UBXN2B: variants seen among roughly 807,000 people sequenced by gnomAD.
UBXN2B encodes UBX domain protein 2B.
Under a neutral mutation model 37.5 loss-of-function variants are expected in UBXN2B, and 19 were observed. That is an observed-to-expected ratio of 0.51 (90% CI 0.35 to 0.74). The LOEUF is 0.74. Among genes scored for constraint, UBXN2B ranks in the 30% least tolerant of loss-of-function variants. The pLI, the probability that UBXN2B is intolerant of heterozygous loss-of-function variation, is 0.01. For missense variants in UBXN2B, 370 were observed against 393.2 expected, an observed-to-expected ratio of 0.94 and a Z score of 0.50; for synonymous variants, 145 against 143.8, an observed-to-expected ratio of 1.01 and a Z score of -0.06.
intron 2 of UBXN2B, 59 bp downstream of exon 2, chr8:58,417,012 A>T: frequency 7.2e-7 from 1 of 1,383,196 alleles, no homozygotes; most frequent in Non-Finnish European, 9.8e-7. Flanking sequence ...AAAATTTACT[A>T]ACTTCAAATT....
intron 2 of UBXN2B, chr8:58,425,614 G>T: frequency 9.1e-7 from 1 of 1,103,354 alleles, no homozygotes; most frequent in South Asian, 1.2e-5. Flanking sequence ...TTGTTGTAGT[G>T]TCTCAAATTC....
At chr8:58,430,969 TC>T (rs1471252520) in intron 3 of UBXN2B, among the ~76,000 whole-genome samples, 1 of 152,076 alleles carries the variant, frequency 6.6e-6, no homozygotes, top group East Asian at 1.9e-4. Flanking sequence ...CCCCAATGGT[TC>T]CCCCCAATGG....
At position 58,411,384 on chromosome 8, in the gene UBXN2B, A is replaced by AGATGGCG. The variant is rs1807630122; in HGVS notation, c.2_8dup. On this transcript the variant is annotated 5_prime_UTR_variant, in exon 1 of 8. The change creates a new upstream start codon in the 5' untranslated region. Transcript: ENST00000399598. ...GCAGCGGGCGCCGCTAGCCAGCGGA[A>AGATGGCG]GATGGCGGAGGGCGGAGGCCCTGAG... is the stretch of plus-strand genomic sequence containing the variant. 1 of 1,269,534 alleles carries AGATGGCG rather than the reference A, an allele frequency of 7.9e-7. No homozygotes were observed. Among genetic ancestry groups the AGATGGCG allele is most frequent in the Non-Finnish European group, 1.0e-6 (1 of 1,003,840 alleles). The allele number at this position is 1,269,534 out of a possible 1,614,324, so 78.6% of individuals were successfully genotyped here.
intron 4 of UBXN2B, among the ~76,000 whole-genome samples, chr8:58,433,815 A>G (rs757234799): frequency 6.6e-6 from 1 of 152,102 alleles, no homozygotes. Context: ...GAACAAATAT[A>G]TAGTTATTAT....
At chr8:58,445,805 T>C (rs1808652246) in intron 6 of UBXN2B, 102 bp from the exon 7 acceptor site, 1 of 1,004,196 alleles carries the variant, frequency 1.0e-6, no homozygotes. Flanking sequence ...TTGAAAGAAG[T>C]ATAGGAGACT....
chr8:58,436,200 G>A (rs574739758), intron 5 of UBXN2B, among the ~76,000 whole-genome samples: 63 of 152,212 alleles, frequency 4.1e-4, no homozygotes, highest in Non-Finnish European at 7.8e-4. Context: ...ACTACAAGTA[G>A]CATTGCATTC....
intron 6 of UBXN2B, among the ~76,000 whole-genome samples, chr8:58,444,149 A>G (rs1013418085): frequency 6.6e-6 from 1 of 152,236 alleles, no homozygotes. Flanking sequence ...GATTACAAAA[A>G]TAATAGGGAG....
At chr8:58,419,044 T>C (rs1481760521) in intron 2 of UBXN2B, among the ~76,000 whole-genome samples, 1 of 152,222 alleles carries the variant, frequency 6.6e-6, no homozygotes, top group Non-Finnish European at 1.5e-5. Flanking sequence ...ATGCTGTGAT[T>C]AATAGGTATA....
intron 2 of UBXN2B, among the ~76,000 whole-genome samples, chr8:58,429,594 G>A (rs1203006134): frequency 6.6e-6 from 1 of 151,842 alleles, no homozygotes; most frequent in Non-Finnish European, 1.5e-5. Context: ...AGTGAGAGCT[G>A]GTCTGTTCTT....
At chr8:58,419,509 T>G (rs1045601831) in intron 2 of UBXN2B, among the ~76,000 whole-genome samples, 1 of 152,216 alleles carries the variant, frequency 6.6e-6, no homozygotes, top group Non-Finnish European at 1.5e-5. Context: ...GGATATAGTC[T>G]GATGCCTGTT....
chr8:58,412,796 G>A (rs1433879833), intron 1 of UBXN2B, among the ~76,000 whole-genome samples: 1 of 152,198 alleles, frequency 6.6e-6, no homozygotes, highest in African/African-American at 2.4e-5. Context: ...AGGTCAGGGT[G>A]CTGGTGGTGG....
intron 6 of UBXN2B, among the ~76,000 whole-genome samples, chr8:58,443,349 A>G (rs1808595192): frequency 6.6e-6 from 1 of 152,154 alleles, no homozygotes; most frequent in African/African-American, 2.4e-5. Context: ...CCATTTGCCT[A>G]CAAACCTTGT....
At position 58,441,468 on chromosome 8, in the gene UBXN2B, G is replaced by A. The variant is rs996428692; in HGVS notation, c.671+1698G>A. Reference sequence around the variant, plus strand: ...TTTACTTAATATTTATTGAGATTACGATTTTTAATTAGAATGCAGATAAAA... The same window carrying A: ...TTTACTTAATATTTATTGAGATTACAATTTTTAATTAGAATGCAGATAAAA... On this transcript the variant is annotated intron_variant, in intron 6 of 7. Transcript: ENST00000399598. 7.3e-5 allele frequency among the ~76,000 whole-genome samples: 11 copies of A among 151,234 alleles called. No homozygotes were observed. In the South Asian group the frequency reaches 1.0e-3, roughly 14 times the overall value.
chr8:58,413,939 G>GT (rs148956547), intron 1 of UBXN2B, among the ~76,000 whole-genome samples: 495 of 152,168 alleles, frequency 3.3e-3, no homozygotes, highest in African/African-American at 0.011. Flanking sequence ...CCCTCAGCCC[G>GT]CCACACACAT....
rs957180337 is a variant in UBXN2B, at chr8:58,436,682, T to C, written c.533+2178T>C. On this transcript the variant is annotated intron_variant, in intron 5 of 7. Coordinates refer to ENST00000399598, the MANE Select transcript of UBXN2B (RefSeq NM_001077619.2). Reference sequence around the variant, plus strand: ...CCCCATGGTAATGAATGAGTTCTTCTTCTGGCAGTTCAAGTGAAAGCTGAT... The same window carrying C: ...CCCCATGGTAATGAATGAGTTCTTCCTCTGGCAGTTCAAGTGAAAGCTGAT... Among the ~76,000 whole-genome samples, 10 of 152,350 alleles carry C rather than the reference T, an allele frequency of 6.6e-5. No individual in the cohort carries two copies. The Middle Eastern group carries it at 0.017, about 259-fold the overall frequency.
At chr8:58,429,455 T>A (rs1808191160) in intron 2 of UBXN2B, among the ~76,000 whole-genome samples, 1 of 152,148 alleles carries the variant, frequency 6.6e-6, no homozygotes, top group Admixed American at 6.5e-5. Flanking sequence ...TTGGGCCCAG[T>A]GTACTTCTCC....
chr8:58,426,701 C>G, intron 2 of UBXN2B: 1 of 697,082 alleles, frequency 1.4e-6, no homozygotes, highest in East Asian at 2.7e-5. Flanking sequence ...TCCCACATTC[C>G]GGCTCCGTGA....
rs565046060 is a variant in UBXN2B at position 58,441,992 on chromosome 8, A to G, written c.671+2222A>G. 7.2e-5 allele frequency among the ~76,000 whole-genome samples: 11 copies of G among 152,314 alleles called. No homozygotes were observed. In the South Asian group the frequency reaches 1.2e-3, roughly 17 times the overall value. On this transcript the variant is annotated intron_variant, in intron 6 of 7. Coordinates refer to ENST00000399598, the MANE Select transcript of UBXN2B (RefSeq NM_001077619.2). ...GAAGAGTGTTCCAGAGAAAACAACT[A>G]TGTCCCCTAGTCAGGTGCTTGGTGC...
chr8:58,439,754 G>C lies in UBXN2B; in HGVS notation c.655G>C (p.Gly219Arg), dbSNP rs1371671280. 1 of 1,592,730 alleles carries C rather than the reference G, an allele frequency of 6.3e-7. No homozygotes were observed. The highest frequency in any genetic ancestry group is 1.8e-5 in the Admixed American group (1 of 54,968). Residue 219 changes from glycine (G) to arginine (R), a missense_variant, in exon 6 of 8, where the codon GGG becomes CGG. Gly to Arg is a moderately radical substitution (Grantham distance 125). Coordinates refer to ENST00000399598, the MANE Select transcript of UBXN2B (RefSeq NM_001077619.2). The part of the protein sequence containing the change: ...RLRFKAFSGE[G>R]QKLGSLTPEI... ...GAGGTTCAAGGCTTTTAGTGGAGAAGGGCAAAAACTTGGAAGGTAAAAATC... is the reference window on the plus strand; with the variant it reads ...GAGGTTCAAGGCTTTTAGTGGAGAACGGCAAAAACTTGGAAGGTAAAAATC...
Sources: allele counts gnomAD v4.1 joint callset (sites outside exome capture counted in the v4.1 genomes callset), GRCh38; gene constraint gnomAD v4.1.1; transcripts MANE v1.5; gene names NCBI Gene and HGNC (gene_info 2026-07-23, HGNC 2026-07-21).